PNPLA3: variants seen among roughly 807,000 people sequenced by gnomAD.
PNPLA3 encodes 1-acylglycerol-3-phosphate O-acyltransferase PNPLA3.
In PNPLA3, 42 loss-of-function variants were observed where a neutral mutation model predicts 43.1. The ratio of observed to expected loss-of-function variants is 0.97; its 90% CI spans 0.76 to 1.26. PNPLA3 has a LOEUF of 1.26. PNPLA3 is among the 50% of genes most tolerant of loss of function. The pLI is 0.00. For synonymous variants in PNPLA3, 272 were observed against 253.6 expected (o/e 1.07, Z -0.69); for missense variants, 647 against 621.4 (o/e 1.04, Z -0.44).
intron 8 of PNPLA3, among the ~76,000 whole-genome samples, chr22:43,945,707 A>G (rs1297541731): frequency 6.6e-6 from 1 of 152,090 alleles, no homozygotes; most frequent in East Asian, 1.9e-4. Flanking sequence ...GGGGGCTGCC[A>G]GGGCCCAGGC....
At chr22:43,944,568 T>A in intron 7 of PNPLA3, 123 bp from the exon 8 acceptor site, 3 of 757,612 alleles carry the variant, frequency 4.0e-6, no homozygotes, top group South Asian at 3.3e-5. Context: ...GCATCCCAGA[T>A]CCACCTTCTG....
chr22:43,938,700 T>C (rs1426179365), intron 6 of PNPLA3, among the ~76,000 whole-genome samples: 1 of 152,212 alleles, frequency 6.6e-6, no homozygotes, highest in East Asian at 1.9e-4. Flanking sequence ...GAATTACAAT[T>C]TGACATGAGA....
intron 7 of PNPLA3, among the ~76,000 whole-genome samples, chr22:43,943,833 G>C (rs1029113643): frequency 6.6e-6 from 1 of 151,866 alleles, no homozygotes; most frequent in Non-Finnish European, 1.5e-5. Context: ...GTGTCCTCCA[G>C]GCTGGAGTGC....
intron 7 of PNPLA3, among the ~76,000 whole-genome samples, chr22:43,943,697 G>C (rs1463780213): frequency 1.3e-5 from 2 of 152,220 alleles, no homozygotes; most frequent in African/African-American, 4.8e-5. Context: ...GCATGCTGCA[G>C]TCCTGAGCAC....
chr22:43,943,887 CAA>C (rs1228351964), intron 7 of PNPLA3, among the ~76,000 whole-genome samples: 3 of 152,126 alleles, frequency 2.0e-5, no homozygotes, highest in African/African-American at 7.2e-5. Context: ...CTCCTGGGCT[CAA>C]GAGATTCTCC....
At chr22:43,943,923 G>C (rs2050046628) in intron 7 of PNPLA3, among the ~76,000 whole-genome samples, 3 of 152,032 alleles carry the variant, frequency 2.0e-5, no homozygotes, top group Admixed American at 1.3e-4. Context: ...TGAGTAGCTG[G>C]GATTACAGGC....
At chr22:43,926,133 T>C (rs2049920400) in intron 1 of PNPLA3, among the ~76,000 whole-genome samples, 1 of 152,214 alleles carries the variant, frequency 6.6e-6, no homozygotes, top group Admixed American at 6.5e-5. Context: ...AGCACCTCAG[T>C]GCATCTGAGC....
Position 43,928,832 on chromosome 22 carries a change from A to G in PNPLA3, c.429A>G (p.Val143=), listed in dbSNP as rs774286536. ...RSKDEVVDAL[V]CSCFIPFYSG... is the part of the protein sequence containing the mutation. The stretch of plus-strand genomic sequence containing the variant: ...CTCCTTTGCTTTCACAGGCCTTGGT[A>G]TGTTCCTGCTTCATCCCCTTCTACA... Residue 143 remains valine (V), a synonymous_variant, in exon 3 of 9, where the codon GTA becomes GTG. Coordinates refer to ENST00000216180, the MANE Select transcript of PNPLA3 (RefSeq NM_025225.3). The G allele has an allele frequency of 6.2e-6, 10 of 1,610,506 alleles. No homozygotes were observed. Among genetic ancestry groups the G allele is most frequent in the Non-Finnish European group, 8.5e-6 (10 of 1,176,834 alleles).
intron 3 of PNPLA3, among the ~76,000 whole-genome samples, chr22:43,931,031 G>A (rs2146779103): frequency 6.6e-6 from 1 of 152,304 alleles, no homozygotes; most frequent in Non-Finnish European, 1.5e-5. Context: ...GGAGGCTGAG[G>A]CAGGAGAATG....
At chr22:43,941,836 A>G (rs1569015957) in intron 7 of PNPLA3, among the ~76,000 whole-genome samples, 1 of 151,782 alleles carries the variant, frequency 6.6e-6, no homozygotes, top group Non-Finnish European at 1.5e-5. Context: ...CTGGACTGAA[A>G]GAAAAATATT....
chr22:43,934,808 G>A, intron 5 of PNPLA3, 142 bp downstream of exon 5: 1 of 778,360 alleles, frequency 1.3e-6, no homozygotes, highest in South Asian at 1.6e-5. Flanking sequence ...CATGAGCCCA[G>A]GAGATAGGAA....
chr22:43,927,832 C>G (rs1320914880), intron 2 of PNPLA3, among the ~76,000 whole-genome samples: 2 of 152,186 alleles, frequency 1.3e-5, no homozygotes, highest in Non-Finnish European at 2.9e-5. Flanking sequence ...TGGTCCCAAA[C>G]TCCTGCACCC....
intron 4 of PNPLA3, 112 bp downstream of exon 4, chr22:43,933,199 C>G (rs1174384787): frequency 3.0e-6 from 3 of 1,009,608 alleles, no homozygotes; most frequent in Non-Finnish European, 4.4e-6. Context: ...TAGACCTGTC[C>G]TTGATGGTTA....
intron 7 of PNPLA3, among the ~76,000 whole-genome samples, chr22:43,940,546 C>G (rs1380847895): frequency 2.0e-5 from 3 of 152,234 alleles, no homozygotes; most frequent in Non-Finnish European, 2.9e-5. Flanking sequence ...CCGTGGCTCA[C>G]GGCTGTAATC....
intron 1 of PNPLA3, chr22:43,924,323 C>G: frequency 1.8e-6 from 1 of 546,298 alleles, no homozygotes; most frequent in Admixed American, 4.3e-5. Context: ...CGGGCCGAAG[C>G]CTGGGACTCT....
At position 43,924,002 on chromosome 22, in the gene PNPLA3, G is replaced by A. The variant is rs1026525368; in HGVS notation, c.91G>A (p.Glu31Lys). ...CGTCGGGGCGACCCGCTGCCTGAGC[G>A]AGCACGCCCCGCACCTCCTCCGCGA... ...YHVGATRCLS[E>K]HAPHLLRDAR... The change falls in exon 1 of 9, where the codon GAG becomes AAG. Residue 31 changes from glutamate to lysine, a missense_variant. By Grantham distance (56) the Glu-to-Lys change is moderately conservative (BLOSUM62 1). Coordinates refer to ENST00000216180, the MANE Select transcript of PNPLA3 (RefSeq NM_025225.3). The A allele has an allele frequency of 6.9e-6, 11 of 1,585,250 alleles. No homozygotes were observed. Among genetic ancestry groups the A allele is most frequent in the Admixed American group, 1.7e-5 (1 of 58,938 alleles).
chr22:43,927,296 C>T (rs571619963), intron 2 of PNPLA3, 129 bp downstream of exon 2: 97 of 726,808 alleles, frequency 1.3e-4, no homozygotes, highest in Non-Finnish European at 2.1e-4. Flanking sequence ...CCCAGGAGCT[C>T]GAGACCAACA....
rs368503349 is a variant in PNPLA3, at chr22:43,927,139, A to C, written c.392A>C (p.Asp131Ala). 3 of 1,614,100 alleles carry C rather than the reference A, an allele frequency of 1.9e-6. No homozygotes were observed. In the African/African-American group the frequency reaches 4.0e-5, roughly 22 times the overall value. ...GATGGGGAAAACGTTCTGGTGTCTG[A>C]CTTTCGGTCCAAAGACGAAGTCGTG... is the stretch of plus-strand genomic sequence containing the variant. ...VSDGENVLVS[D>A]FRSKDEVVDA... is the part of the protein sequence containing the mutation. The change falls in exon 2 of 9, where the codon GAC becomes GCC. Residue 131 changes from aspartate (D) to alanine (A), a missense_variant. Transcript: ENST00000216180.
At chr22:43,934,316 T>TAAA (rs3083286) in intron 4 of PNPLA3, among the ~76,000 whole-genome samples, 7 of 118,102 alleles carry the variant, frequency 5.9e-5, no homozygotes, top group African/African-American at 2.4e-4. Context: ...GACTCTGCCT[T>TAAA]AAAAAAAAAA....
Sources: allele counts gnomAD v4.1 joint callset (sites outside exome capture counted in the v4.1 genomes callset), GRCh38; gene constraint gnomAD v4.1.1; transcripts MANE v1.5; gene names NCBI Gene and HGNC (gene_info 2026-07-23, HGNC 2026-07-21).